CSMD2: variants seen among roughly 807,000 people sequenced by gnomAD.
CSMD2 encodes the protein CUB and Sushi multiple domains 2.
A neutral mutation model predicts 398.5 loss-of-function variants in CSMD2; 130 were observed. The observed-to-expected ratio is 0.33, with a 90% CI of 0.28 to 0.38. CSMD2 has a LOEUF of 0.38. Ranked by LOEUF, CSMD2 falls within the 10% of genes least tolerant of loss-of-function variation. CSMD2 has a pLI of 1.00. For synonymous variants in CSMD2, 1,828 were observed against 1,908.5 expected, an observed-to-expected ratio of 0.96 and a Z score of 1.10; for missense variants, 3,829 against 4,764.9, an observed-to-expected ratio of 0.80 and a Z score of 5.78.
intron 5 of CSMD2, among the ~76,000 whole-genome samples, chr1:33,854,303 C>T (rs1638918853): frequency 6.6e-6 from 1 of 152,180 alleles, no homozygotes; most frequent in South Asian, 2.1e-4. Flanking sequence ...GAGTGCTTGA[C>T]ATAAAGAAAG....
chr1:34,040,595 T>C (rs1311431799), intron 2 of CSMD2, among the ~76,000 whole-genome samples: 2 of 152,204 alleles, frequency 1.3e-5, no homozygotes, highest in Non-Finnish European at 2.9e-5. Context: ...GGCCAACTAT[T>C]TGGTGTTTCG....
chr1:34,073,506 T>C (rs66941902), intron 2 of CSMD2, among the ~76,000 whole-genome samples: 12,830 of 152,258 alleles, frequency 0.084, 659 homozygotes, highest in African/African-American at 0.14. Context: ...CGGTTACCTC[T>C]AGGGAGTGAG....
At chr1:33,567,948 C>A in intron 52 of CSMD2, 107 bp from the exon 53 acceptor site, 4 of 1,363,456 alleles carry the variant, frequency 2.9e-6, no homozygotes, top group South Asian at 1.4e-5. Context: ...GAACCCTCAG[C>A]ATGACAAAAA....
At chr1:33,548,454 C>T (rs1657116718) in intron 56 of CSMD2, among the ~76,000 whole-genome samples, 1 of 152,174 alleles carries the variant, frequency 6.6e-6, no homozygotes, top group African/African-American at 2.4e-5. Flanking sequence ...GAAATCTCTC[C>T]ATAGCCTTGG....
chr1:33,861,536 G>A (rs1639508598), intron 5 of CSMD2, among the ~76,000 whole-genome samples: 1 of 152,168 alleles, frequency 6.6e-6, no homozygotes, highest in African/African-American at 2.4e-5. Context: ...TGTCCTTGCA[G>A]GCATGCTTGC....
chr1:33,836,952 G>A (rs1227285661), intron 6 of CSMD2, among the ~76,000 whole-genome samples: 2 of 152,152 alleles, frequency 1.3e-5, no homozygotes, highest in Non-Finnish European at 1.5e-5. Flanking sequence ...CTTCTGCGTC[G>A]CTCACGCTGG....
intron 60 of CSMD2, among the ~76,000 whole-genome samples, chr1:33,539,845 G>A (rs1031854481): frequency 4.6e-5 from 7 of 152,182 alleles, no homozygotes; most frequent in Non-Finnish European, 8.8e-5. Flanking sequence ...CCTAATCTCT[G>A]AGGAAATCCC....
chr1:34,090,076 C>T (rs1274135703), intron 1 of CSMD2, among the ~76,000 whole-genome samples: 1 of 152,308 alleles, frequency 6.6e-6, no homozygotes, highest in East Asian at 1.9e-4. Flanking sequence ...TTTCCGTTTT[C>T]TTGTTAATTT....
intron 44 of CSMD2, chr1:33,598,727 A>G (rs1254037047): frequency 7.1e-6 from 1 of 140,708 alleles, no homozygotes; most frequent in Non-Finnish European, 1.5e-5. Flanking sequence ...GCTGGAGTGC[A>G]ATGGCGTGAT....
At chr1:34,081,076 G>A (rs1252954301) in intron 2 of CSMD2, among the ~76,000 whole-genome samples, 1 of 152,086 alleles carries the variant, frequency 6.6e-6, no homozygotes, top group Non-Finnish European at 1.5e-5. Flanking sequence ...TAATAGACTT[G>A]ACACTCTCAA....
rs777344886 is a variant in CSMD2, at chr1:33,864,718, A to G, written c.921-17722T>C. ...AAGAAGTACCGAATGTCAGCTAGAAACCGGTGCAGAGGGAAAAGAGTCAGG... is the reference window on the plus strand; with the variant it reads ...AAGAAGTACCGAATGTCAGCTAGAAGCCGGTGCAGAGGGAAAAGAGTCAGG... On this transcript the variant is annotated intron_variant, in intron 5 of 70. Transcript: ENST00000373381. 1.9e-6 allele frequency: 3 copies of G among 1,612,522 alleles called. No homozygotes were observed. The African/African-American group carries it at 4.0e-5, about 22-fold the overall frequency.
chr1:34,155,107 T>C (rs546980897), intron 1 of CSMD2, among the ~76,000 whole-genome samples: 2 of 152,148 alleles, frequency 1.3e-5, no homozygotes, highest in African/African-American at 2.4e-5. Context: ...AGCTTCAGGA[T>C]TGGGGATGAA....
chr1:34,066,434 ACCAACAAAG>A (rs1384898172), intron 2 of CSMD2, among the ~76,000 whole-genome samples: 2 of 152,032 alleles, frequency 1.3e-5, no homozygotes, highest in Non-Finnish European at 2.9e-5. Context: ...ATCTTGAAAC[ACCAACAAAG>A]TCAGCAGAAA....
At chr1:33,820,588 A>AAG in intron 7 of CSMD2, 32 bp from the exon 8 acceptor site, 1 of 917,864 alleles carries the variant, frequency 1.1e-6, no homozygotes, top group South Asian at 1.7e-5. Flanking sequence ...AAAAAAAAAA[A>AAG]CAGCACACAC....
At chr1:33,601,971 G>A (rs1040213814) in intron 43 of CSMD2, among the ~76,000 whole-genome samples, 7 of 152,284 alleles carry the variant, frequency 4.6e-5, no homozygotes, top group East Asian at 1.9e-4. Context: ...GATGACCAAC[G>A]GGACATCACA....
chr1:34,090,070 C>T lies in CSMD2; in HGVS notation c.188-877G>A, dbSNP rs541628101. 9.2e-5 allele frequency among the ~76,000 whole-genome samples: 14 copies of T among 152,258 alleles called. No individual in the cohort carries two copies. In the South Asian group the frequency reaches 1.2e-3, roughly 14 times the overall value. On this transcript the variant is annotated intron_variant, in intron 1 of 70. Coordinates refer to ENST00000373381, the MANE Select transcript of CSMD2 (RefSeq NM_001281956.2). ...CCCATGGGCTCAGTGGCTATTTTTC[C>T]GTTTTCTTGTTAATTTACTGCTCAG...
At chr1:33,969,389 A>G (rs536827387) in intron 3 of CSMD2, among the ~76,000 whole-genome samples, 126 of 152,348 alleles carry the variant, frequency 8.3e-4, no homozygotes, top group African/African-American at 2.8e-3. Flanking sequence ...AAAATTATAC[A>G]CATGGCTCAC....
intron 2 of CSMD2, among the ~76,000 whole-genome samples, chr1:34,049,939 G>T (rs1467170985): frequency 6.6e-6 from 1 of 152,142 alleles, no homozygotes; most frequent in Non-Finnish European, 1.5e-5. Context: ...TATAAGAAAA[G>T]ACCCCTTTCT....
At chr1:33,989,291 C>T (rs1224027303) in intron 3 of CSMD2, among the ~76,000 whole-genome samples, 1 of 151,522 alleles carries the variant, frequency 6.6e-6, no homozygotes, top group Non-Finnish European at 1.5e-5. Context: ...AATGAGATAC[C>T]ACCACATACC....
Sources: allele counts gnomAD v4.1 joint callset (sites outside exome capture counted in the v4.1 genomes callset), GRCh38; gene constraint gnomAD v4.1.1; transcripts MANE v1.5; gene names NCBI Gene and HGNC (gene_info 2026-07-23, HGNC 2026-07-21).